GLG1: variants seen among roughly 807,000 people sequenced by gnomAD.
GLG1 encodes Golgi apparatus protein 1.
Under a neutral mutation model 160.5 loss-of-function variants are expected in GLG1, and 38 were observed. The observed-to-expected ratio is 0.24, with a 90% CI of 0.18 to 0.31. The LOEUF (loss-of-function observed/expected upper bound fraction) is 0.31. Ranked by LOEUF, GLG1 falls within the 10% of genes least tolerant of loss-of-function variation. The pLI, the probability that GLG1 is intolerant of heterozygous loss-of-function variation, is 1.00. For synonymous variants in GLG1, 644 were observed against 543.4 expected (o/e 1.19, Z -2.57); for missense variants, 1,373 against 1,505.2 (o/e 0.91, Z 1.45).
At chr16:74,466,028 G>A (rs1211685636) in intron 18 of GLG1, among the ~76,000 whole-genome samples, 1 of 152,118 alleles carries the variant, frequency 6.6e-6, no homozygotes, top group African/African-American at 2.4e-5. Context: ...ATGACTGGCA[G>A]GCTGTGCTCC....
At chr16:74,568,951 A>T (rs574874860) in intron 1 of GLG1, among the ~76,000 whole-genome samples, 1 of 152,360 alleles carries the variant, frequency 6.6e-6, no homozygotes, top group African/African-American at 2.4e-5. Context: ...ACTGAAGGAA[A>T]AGGGGGTACA....
chr16:74,597,060 AG>A (rs1182169435), intron 1 of GLG1, among the ~76,000 whole-genome samples: 1 of 152,018 alleles, frequency 6.6e-6, no homozygotes, highest in African/African-American at 2.4e-5. Flanking sequence ...CAGAGGCTGC[AG>A]TGAATCATGA....
chr16:74,553,956 A>C (rs1441156154), intron 1 of GLG1, among the ~76,000 whole-genome samples: 1 of 152,224 alleles, frequency 6.6e-6, no homozygotes, highest in Non-Finnish European at 1.5e-5. Context: ...CAACTCACAT[A>C]TGCAAAAATA....
intron 1 of GLG1, among the ~76,000 whole-genome samples, chr16:74,549,921 C>T (rs1640944994): frequency 6.6e-6 from 1 of 151,766 alleles, no homozygotes; most frequent in Non-Finnish European, 1.5e-5. Flanking sequence ...CAAGACCAGC[C>T]TGGGCAACAT....
chr16:74,596,615 T>G, intron 1 of GLG1, among the ~76,000 whole-genome samples: 1 of 152,218 alleles, frequency 6.6e-6, no homozygotes, highest in East Asian at 1.9e-4. Flanking sequence ...ACATCTCAAT[T>G]CAAACAGGCC....
At chr16:74,600,020 C>T (rs746804391) in intron 1 of GLG1, among the ~76,000 whole-genome samples, 5 of 150,044 alleles carry the variant, frequency 3.3e-5, no homozygotes, top group South Asian at 2.1e-4. Context: ...GGTGACAGTG[C>T]GAGACTCCGT....
chr16:74,496,349 T>C, intron 5 of GLG1, 92 bp downstream of exon 5: 1 of 906,188 alleles, frequency 1.1e-6, no homozygotes, highest in Non-Finnish European at 1.7e-6. Context: ...AGACTCAATC[T>C]CTCAAAAAAC....
intron 2 of GLG1, among the ~76,000 whole-genome samples, chr16:74,510,948 T>C (rs2016785029): frequency 6.6e-6 from 1 of 152,100 alleles, no homozygotes; most frequent in Admixed American, 6.5e-5. Flanking sequence ...CCTGAAAGGC[T>C]AGAAGCAGTT....
At chr16:74,472,195 C>G (rs73606789) in intron 14 of GLG1, among the ~76,000 whole-genome samples, 154 bp downstream of exon 14, 35 of 152,132 alleles carry the variant, frequency 2.3e-4, no homozygotes, top group Non-Finnish European at 4.4e-4. Flanking sequence ...TCACCACACC[C>G]GGCCTGTTTA....
At position 74,563,616 on chromosome 16, in the gene GLG1, AT is replaced by A. The variant is rs2018567649; in HGVS notation, c.439-31464del. Among the ~76,000 whole-genome samples the A allele has an allele frequency of 2.0e-5, 3 of 151,192 alleles. No individual in the cohort carries two copies. In the Admixed American group the frequency reaches 2.0e-4, roughly 10 times the overall value. On this transcript the variant is annotated intron_variant, in intron 1 of 25. Transcript: ENST00000422840. ...GTGGCGTGTGCCTGTAGTCCCAGCTATTTGCGAGGCTGAGGTGGGAGAACTG... is the reference window on the plus strand; with the variant it reads ...GTGGCGTGTGCCTGTAGTCCCAGCTATTGCGAGGCTGAGGTGGGAGAACTG...
At chr16:74,551,017 G>A (rs1263353569) in intron 1 of GLG1, among the ~76,000 whole-genome samples, 6 of 152,036 alleles carry the variant, frequency 3.9e-5, no homozygotes, top group Non-Finnish European at 2.9e-5. Context: ...TGAATCTAAC[G>A]GACAACTTAT....
At chr16:74,533,364 C>A (rs545502870) in intron 1 of GLG1, among the ~76,000 whole-genome samples, 2 of 152,216 alleles carry the variant, frequency 1.3e-5, no homozygotes, top group South Asian at 4.1e-4. Context: ...AATTCCATGA[C>A]AGAAAAAAAG....
chr16:74,562,961 C>G (rs1025130007), intron 1 of GLG1: 9 of 152,158 alleles, frequency 5.9e-5, no homozygotes, highest in African/African-American at 2.2e-4. Context: ...CCCCTCCAGA[C>G]TTGGAATTGT....
At chr16:74,598,562 G>A (rs1958360092) in intron 1 of GLG1, among the ~76,000 whole-genome samples, 1 of 150,072 alleles carries the variant, frequency 6.7e-6, no homozygotes, top group African/African-American at 2.5e-5. Flanking sequence ...TAATTTACAT[G>A]ATAGCCTATA....
At position 74,508,884 on chromosome 16, in the gene GLG1, T is replaced by C; in HGVS notation, c.513A>G (p.Lys171=). 3 of 1,537,406 alleles carry C rather than the reference T, an allele frequency of 2.0e-6. No homozygotes were observed. The Middle Eastern group carries it at 5.1e-4, about 260-fold the overall frequency. The change falls in exon 3 of 26, where the codon AAA becomes AAG. Residue 171 remains lysine, a synonymous_variant. Coordinates refer to ENST00000422840, the MANE Select transcript of GLG1 (RefSeq NM_001145667.2). The stretch of plus-strand genomic sequence containing the variant: ...AAACCTCTCTGGCCACAGATTCAAA[T>C]TTGGGATCTGTAGTTAGGTTCAGCT... ...NYKLNLTTDP[K]FESVAREVCK...
chr16:74,474,387 T>G lies in GLG1; in HGVS notation c.2052+159A>C, dbSNP rs562169384. On this transcript the variant is annotated intron_variant, in intron 13 of 25. Coordinates refer to ENST00000422840, the MANE Select transcript of GLG1 (RefSeq NM_001145667.2). ...GGAAGGAGCTCACAAAGCAACACAATATACTTCTTTATAAAGCAAACATGG... is the reference window on the plus strand; with the variant it reads ...GGAAGGAGCTCACAAAGCAACACAAGATACTTCTTTATAAAGCAAACATGG... 20 of 616,090 alleles carry G rather than the reference T, an allele frequency of 3.2e-5. No individual in the cohort carries two copies. The African/African-American group carries it at 3.5e-4, about 11-fold the overall frequency. 38.2% of individuals were successfully genotyped at this position (616,090 alleles called of 1,614,324 possible).
At chr16:74,500,873 A>C (rs2016379632) in intron 4 of GLG1, among the ~76,000 whole-genome samples, 1 of 152,204 alleles carries the variant, frequency 6.6e-6, no homozygotes, top group African/African-American at 2.4e-5. Flanking sequence ...TAAAGCCTTT[A>C]TTAATGTATC....
At chr16:74,566,292 T>C (rs529297871) in intron 1 of GLG1, among the ~76,000 whole-genome samples, 39 of 152,260 alleles carry the variant, frequency 2.6e-4, no homozygotes, top group East Asian at 1.9e-4. Flanking sequence ...AGGGAAAGTA[T>C]CTACATAAAT....
rs147629191 is a variant in GLG1 at position 74,508,465 on chromosome 16, G to A, written c.558+374C>T. On this transcript the variant is annotated intron_variant, in intron 3 of 25. Transcript: ENST00000422840. ...CCTATTATTTGAAGTATATACCTCT[G>A]TGGGTCAATTGATCCAGCTGCATAG... Among the ~76,000 whole-genome samples, 512 of 152,176 alleles carry A rather than the reference G, an allele frequency of 3.4e-3. 5 individuals carry two copies. Among genetic ancestry groups the A allele is most frequent in the Middle Eastern group, 0.01 (3 of 294 alleles).
Sources: gnomAD v4.1 joint callset for allele counts (sites outside exome capture counted in the v4.1 genomes callset) on GRCh38, gnomAD v4.1.1 for gene constraint, MANE v1.5 for transcripts, NCBI Gene and HGNC (gene_info 2026-07-23, HGNC 2026-07-21) for gene names.